ZMYND8: variants seen among roughly 807,000 people sequenced by gnomAD.
ZMYND8 encodes the protein zinc finger MYND-type containing 8.
ZMYND8 carries 37 observed loss-of-function variants against 140.8 expected under a neutral mutation model. The observed-to-expected ratio is 0.26, with a 90% confidence interval of 0.20 to 0.35. The LOEUF (loss-of-function observed/expected upper bound fraction) is 0.35. Among genes scored for constraint, ZMYND8 ranks in the 10% least tolerant of loss-of-function variants. ZMYND8 has a pLI of 1.00. For synonymous variants in ZMYND8, 592 were observed against 597.1 expected, an observed-to-expected ratio of 0.99 and a Z score of 0.12; for missense variants, 1,068 against 1,570.0, an observed-to-expected ratio of 0.68 and a Z score of 5.40.
At chr20:47,330,813 C>G (rs2080877872) in intron 2 of ZMYND8, among the ~76,000 whole-genome samples, 3 of 152,210 alleles carry the variant, frequency 2.0e-5, no homozygotes, top group African/African-American at 4.8e-5. Context: ...TTCTACCCAT[C>G]TGATAGAGCT....
chr20:47,307,804 G>C (rs995822665), intron 3 of ZMYND8, among the ~76,000 whole-genome samples: 7 of 151,962 alleles, frequency 4.6e-5, no homozygotes, highest in African/African-American at 1.7e-4. Context: ...TCCAACCTCA[G>C]CAACAAGAGT....
At chr20:47,349,898 G>A (rs545940514) in intron 1 of ZMYND8, 3 of 1,535,588 alleles carry the variant, frequency 2.0e-6, no homozygotes, top group East Asian at 4.9e-5. Flanking sequence ...ATTCAAAGGT[G>A]TATTGATCAT....
At chr20:47,286,131 A>G (rs770735626) in intron 8 of ZMYND8, among the ~76,000 whole-genome samples, 1 of 151,980 alleles carries the variant, frequency 6.6e-6, no homozygotes, top group Non-Finnish European at 1.5e-5. Flanking sequence ...CTCAAAAAAT[A>G]CATAGATAAC....
intron 14 of ZMYND8, among the ~76,000 whole-genome samples, chr20:47,244,620 G>T (rs575129408): frequency 8.7e-4 from 133 of 152,352 alleles, no homozygotes; most frequent in African/African-American, 2.9e-3. Context: ...CCACAACTGA[G>T]CAAGTAAGGT....
chr20:47,336,557 T>C (rs1019596284), intron 2 of ZMYND8, among the ~76,000 whole-genome samples: 7 of 152,180 alleles, frequency 4.6e-5, no homozygotes, highest in African/African-American at 1.2e-4. Context: ...GAGTACATCA[T>C]TTCTCAGGCT....
At chr20:47,355,834 C>G (rs918006814) in intron 1 of ZMYND8, among the ~76,000 whole-genome samples, 3 of 144,590 alleles carry the variant, frequency 2.1e-5, no homozygotes, top group Non-Finnish European at 4.5e-5. Context: ...CAAGATCTCT[C>G]CCCCCACCCC....
intron 2 of ZMYND8, among the ~76,000 whole-genome samples, chr20:47,327,649 C>G (rs151143332): frequency 8.7e-4 from 133 of 152,122 alleles, no homozygotes; most frequent in African/African-American, 3.1e-3. Context: ...GAGTAAGACT[C>G]AAAAAGGAAA....
intron 2 of ZMYND8, chr20:47,320,654 G>A (rs2079865321): frequency 6.6e-6 from 1 of 152,292 alleles, no homozygotes; most frequent in South Asian, 2.1e-4. Flanking sequence ...GACCCCAGGA[G>A]GCTGGAGTGC....
At chr20:47,287,207 C>T in intron 8 of ZMYND8, 22 bp downstream of exon 8, 1 of 1,610,656 alleles carries the variant, frequency 6.2e-7, no homozygotes, top group South Asian at 1.1e-5. Context: ...GCATCTAAAA[C>T]AGGACAGTGG....
At chr20:47,279,544 G>A (rs2147835950) in intron 10 of ZMYND8, among the ~76,000 whole-genome samples, 1 of 151,616 alleles carries the variant, frequency 6.6e-6, no homozygotes, top group African/African-American at 2.4e-5. Flanking sequence ...AGCGAAATTA[G>A]ATTTGCTTGA....
At chr20:47,288,392 C>CTAT (rs1556006604) in intron 7 of ZMYND8, among the ~76,000 whole-genome samples, 1 of 123,292 alleles carries the variant, frequency 8.1e-6, no homozygotes, top group Non-Finnish European at 1.6e-5. Context: ...TACACCAATT[C>CTAT]TTTTTTTTTT....
chr20:47,346,149 G>C (rs951575539), intron 2 of ZMYND8, among the ~76,000 whole-genome samples: 7 of 152,106 alleles, frequency 4.6e-5, no homozygotes, highest in African/African-American at 1.4e-4. Context: ...GTAAGCAGCA[G>C]AACAGGGACA....
At chr20:47,219,853 C>T (rs921672648) in intron 21 of ZMYND8, among the ~76,000 whole-genome samples, 19 of 152,146 alleles carry the variant, frequency 1.2e-4, no homozygotes, top group African/African-American at 4.6e-4. Flanking sequence ...GGCTTGAGCG[C>T]CTTCATCCAC....
intron 12 of ZMYND8, among the ~76,000 whole-genome samples, chr20:47,255,561 AG>A (rs2074540287): frequency 8.3e-6 from 1 of 120,054 alleles, no homozygotes; most frequent in Non-Finnish European, 1.7e-5. Flanking sequence ...ACATATACTC[AG>A]TGTGTGTGTG....
intron 16 of ZMYND8, among the ~76,000 whole-genome samples, chr20:47,231,860 T>C (rs994529762): frequency 6.6e-6 from 1 of 152,234 alleles, no homozygotes; most frequent in Middle Eastern, 3.2e-3. Context: ...AATGGTCACA[T>C]TCCACTTCAA....
chr20:47,271,712 G>A (rs1256860140), intron 11 of ZMYND8, among the ~76,000 whole-genome samples: 4 of 152,132 alleles, frequency 2.6e-5, no homozygotes, highest in Admixed American at 1.3e-4. Flanking sequence ...ATGGAGTCTC[G>A]CTCTGTCTCC....
chr20:47,278,603 T>C (rs2076400615), intron 10 of ZMYND8, among the ~76,000 whole-genome samples: 2 of 152,024 alleles, frequency 1.3e-5, no homozygotes, highest in African/African-American at 4.8e-5. Context: ...TACAGGCGGA[T>C]TGTTTGCAAG....
At chr20:47,265,555 C>T (rs2075458928) in intron 11 of ZMYND8, among the ~76,000 whole-genome samples, 1 of 152,212 alleles carries the variant, frequency 6.6e-6, no homozygotes, top group Admixed American at 6.5e-5. Context: ...ATTCTCCTGC[C>T]TCAGTCTCCG....
intron 11 of ZMYND8, among the ~76,000 whole-genome samples, chr20:47,264,764 G>A (rs2075388856): frequency 6.6e-6 from 1 of 152,134 alleles, no homozygotes; most frequent in Admixed American, 6.5e-5. Flanking sequence ...GCCAGGTGCG[G>A]TGGTTCACCC....
Sources: gnomAD v4.1 joint callset for allele counts (sites outside exome capture counted in the v4.1 genomes callset) on GRCh38, gnomAD v4.1.1 for gene constraint, MANE v1.5 for transcripts, NCBI Gene and HGNC (gene_info 2026-07-23, HGNC 2026-07-21) for gene names.